Variants in EVC2 observed in about 807,000 individuals in gnomAD.
EVC2 encodes limbin.
EVC2 carries 148 observed loss-of-function variants against 149.3 expected under a neutral mutation model. The observed-to-expected ratio is 0.99, with a 90% CI of 0.87 to 1.14. EVC2 has a LOEUF of 1.14. EVC2 is among the 50% of genes most tolerant of loss of function. EVC2 has a pLI of 0.00. For synonymous variants in EVC2, 776 were observed against 649.9 expected (o/e 1.19, Z -2.95); for missense variants, 1,854 against 1,627.3 (o/e 1.14, Z -2.40).
At position 5,628,722 on chromosome 4, in the gene EVC2, C is replaced by G. The variant is rs1187185433; in HGVS notation, c.1723G>C (p.Glu575Gln). ...CTAGCCTGGAAAAAGTCCATTAACT[C>G]TTCTACATTCTCCTGTCAATTAAAA... The part of the protein sequence containing the change: ...NYSKIQENVE[E>Q]LMDFFQASKR... The change falls in exon 12 of 22, where the codon GAG (glutamate) becomes CAG (glutamine). Residue 575 changes from glutamate to glutamine, a missense_variant. By Grantham distance (29) the Glu-to-Gln change is conservative. Transcript: ENST00000344408. 4.4e-6 allele frequency: 7 copies of G among 1,608,540 alleles called. No homozygotes were observed. The highest frequency in any genetic ancestry group is 5.9e-6 in the Non-Finnish European group (7 of 1,179,594).
chr4:5,606,748 G>A (rs1002820785), intron 16 of EVC2, among the ~76,000 whole-genome samples: 3 of 152,298 alleles, frequency 2.0e-5, no homozygotes, highest in Non-Finnish European at 2.9e-5. Context: ...AAAAAGAAAC[G>A]AGGTGTAAGA....
chr4:5,581,991 C>G (rs112922234), intron 17 of EVC2, among the ~76,000 whole-genome samples: 1 of 152,196 alleles, frequency 6.6e-6, no homozygotes, highest in Non-Finnish European at 1.5e-5. Flanking sequence ...GTCTTGGGAG[C>G]CTCCGCCTAG....
chr4:5,568,041 T>C (rs574886660), intron 20 of EVC2, among the ~76,000 whole-genome samples: 87 of 152,202 alleles, frequency 5.7e-4, no homozygotes, highest in African/African-American at 2.1e-3. Context: ...AATACACATA[T>C]TTACATGCAC....
At chr4:5,551,521 CTTGT>C (rs1328137345) in intron 21 of EVC2, among the ~76,000 whole-genome samples, 1 of 152,158 alleles carries the variant, frequency 6.6e-6, no homozygotes, top group Admixed American at 6.5e-5. Flanking sequence ...AAGTAACTAG[CTTGT>C]TTTTGATTTT....
chr4:5,653,782 T>A (rs1456564834), intron 9 of EVC2, among the ~76,000 whole-genome samples: 1 of 152,202 alleles, frequency 6.6e-6, no homozygotes, highest in Non-Finnish European at 1.5e-5. Flanking sequence ...AATCTAAAAC[T>A]GTTCTAAAAA....
In EVC2 at chr4:5,573,161, C is replaced by A. The variant is rs565256285; in HGVS notation, c.3360+1524G>T. On this transcript the variant is annotated intron_variant, in intron 19 of 21. Transcript: ENST00000344408. ...CTGGCACCTTGTTTGGCACAGTCAA[C>A]AGAATAATGATCCCTCCCCAAAATG... Among the ~76,000 whole-genome samples the A allele has an allele frequency of 8.5e-5, 13 of 152,306 alleles. 1 individual carries two copies. In the South Asian group the frequency reaches 1.9e-3, roughly 22 times the overall value.
Position 5,680,057 on chromosome 4 carries a change from G to A in EVC2, c.870+1203C>T, listed in dbSNP as rs186593192. On this transcript the variant is annotated intron_variant, in intron 7 of 21. Transcript: ENST00000344408. ...CATCAATATCACTGCCTTCCACCCC[G>A]ACACTCTGTCCCACTGGAAGGTCTT... is the stretch of plus-strand genomic sequence containing the variant. Among the ~76,000 whole-genome samples the A allele has an allele frequency of 6.6e-5, 10 of 152,030 alleles. No homozygotes were observed. The East Asian group carries it at 1.2e-3, about 18-fold the overall frequency.
intron 14 of EVC2, among the ~76,000 whole-genome samples, chr4:5,621,736 G>A (rs1715703469): frequency 2.6e-5 from 4 of 152,330 alleles, no homozygotes; most frequent in Admixed American, 2.6e-4. Flanking sequence ...ACTCTCCCAT[G>A]TCTTTAAAAA....
intron 16 of EVC2, among the ~76,000 whole-genome samples, 181 bp downstream of exon 16, chr4:5,615,241 G>T (rs1560166160): frequency 6.6e-6 from 1 of 152,178 alleles, no homozygotes; most frequent in African/African-American, 2.4e-5. Flanking sequence ...GAATGCACAG[G>T]GGAAAGGCCC....
At chr4:5,540,580 C>A (rs1245243462), downstream of EVC2, among the ~76,000 whole-genome samples, 2 of 152,148 alleles carry the variant, frequency 1.3e-5, no homozygotes, top group Non-Finnish European at 2.9e-5. Flanking sequence ...TGTTTGGTTC[C>A]ATTTATATAA....
At chr4:5,593,663 G>A (rs1560147950) in intron 16 of EVC2, among the ~76,000 whole-genome samples, 1 of 152,190 alleles carries the variant, frequency 6.6e-6, no homozygotes, top group Non-Finnish European at 1.5e-5. Flanking sequence ...GGTGATTTCT[G>A]CATTTCCATC....
At chr4:5,661,650 T>C (rs1718881061) in intron 9 of EVC2, among the ~76,000 whole-genome samples, 3 of 152,188 alleles carry the variant, frequency 2.0e-5, no homozygotes, top group Admixed American at 6.5e-5. Flanking sequence ...ATCTTAAATA[T>C]CTGATGAAAG....
chr4:5,644,761 A>G (rs1041257748), intron 9 of EVC2, among the ~76,000 whole-genome samples: 1 of 152,180 alleles, frequency 6.6e-6, no homozygotes, highest in Non-Finnish European at 1.5e-5. Flanking sequence ...GCTCTCACAT[A>G]TGAGTGAGAA....
chr4:5,616,296 G>A (rs980003802), intron 15 of EVC2, among the ~76,000 whole-genome samples: 21 of 152,214 alleles, frequency 1.4e-4, no homozygotes, highest in Non-Finnish European at 2.8e-4. Context: ...AGCTCAGAGG[G>A]CCACAGAAAG....
chr4:5,642,874 A>G (rs1333115601), intron 9 of EVC2, among the ~76,000 whole-genome samples: 7 of 152,230 alleles, frequency 4.6e-5, no homozygotes, highest in Admixed American at 2.6e-4. Flanking sequence ...ACTTGTCAAT[A>G]TTGACCAATC....
At chr4:5,685,314 T>C (rs147410375) in intron 6 of EVC2, 56 bp downstream of exon 6, 3 of 1,547,820 alleles carry the variant, frequency 1.9e-6, no homozygotes, top group Middle Eastern at 1.7e-4. Context: ...TCCCTATTTC[T>C]AAAACAACCT....
intron 16 of EVC2, among the ~76,000 whole-genome samples, chr4:5,597,020 A>C (rs1353880935): frequency 3.3e-5 from 5 of 152,250 alleles, no homozygotes; most frequent in African/African-American, 1.2e-4. Flanking sequence ...ACCAGGAAGA[A>C]GCTGAAATCT....
chr4:5,586,747 C>T (rs1712315290), intron 16 of EVC2, among the ~76,000 whole-genome samples: 1 of 152,114 alleles, frequency 6.6e-6, no homozygotes, highest in Non-Finnish European at 1.5e-5. Flanking sequence ...GATCTGGAAG[C>T]CCCCACTTCA....
At chr4:5,581,235 G>A (rs1414516320) in intron 17 of EVC2, among the ~76,000 whole-genome samples, 1 of 152,216 alleles carries the variant, frequency 6.6e-6, no homozygotes, top group Non-Finnish European at 1.5e-5. Context: ...AACAATACTT[G>A]AAAATGTGAA....
Sources: gnomAD v4.1 joint callset for allele counts (sites outside exome capture counted in the v4.1 genomes callset) on GRCh38, gnomAD v4.1.1 for gene constraint, MANE v1.5 for transcripts, NCBI Gene and HGNC (gene_info 2026-07-23, HGNC 2026-07-21) for gene names.